IGF1: variants seen among roughly 807,000 people sequenced by gnomAD.
IGF1 encodes the protein insulin-like growth factor 1.
A neutral mutation model predicts 13.8 loss-of-function variants in IGF1; 4 were observed. That is an observed-to-expected ratio of 0.29 (90% CI 0.14 to 0.66). The LOEUF (loss-of-function observed/expected upper bound fraction) is 0.66, where lower values mean the gene tolerates loss of function less well. Ranked by LOEUF, IGF1 falls within the 30% of genes least tolerant of loss-of-function variation. The probability of loss-of-function intolerance (pLI) is 0.78; values close to 1 mark genes in which losing one functional copy is unlikely to be tolerated. For missense variants in IGF1, 124 were observed against 188.5 expected, an observed-to-expected ratio of 0.66 and a Z score of 2.00; for synonymous variants, 76 against 72.6, an observed-to-expected ratio of 1.05 and a Z score of -0.23.
intron 2 of IGF1, among the ~76,000 whole-genome samples, chr12:102,425,495 C>A (rs1178272601): frequency 6.6e-6 from 1 of 152,160 alleles, no homozygotes; most frequent in Non-Finnish European, 1.5e-5. Flanking sequence ...ACCCAAAAGA[C>A]CAAAGTCTTC....
At chr12:102,466,401 C>T (rs1199859263) in intron 2 of IGF1, among the ~76,000 whole-genome samples, 2 of 152,140 alleles carry the variant, frequency 1.3e-5, no homozygotes, top group Non-Finnish European at 1.5e-5. Context: ...TGCAAACATT[C>T]TTGATGGTCG....
chr12:102,468,150 C>CT lies in IGF1; in HGVS notation c.220+7492dup, dbSNP rs201295118. ...ATTTCCTCCCCTCTTTTTGACCCCT[C>CT]TTTTTTTTGGCATGGAAATCTTTAT... is the stretch of plus-strand genomic sequence containing the variant. On this transcript the variant is annotated intron_variant, in intron 2 of 3. Coordinates refer to ENST00000337514, the MANE Select transcript of IGF1 (RefSeq NM_000618.5). 2.2e-4 allele frequency among the ~76,000 whole-genome samples: 34 copies of CT among 152,088 alleles called. 1 individual carries two copies. The highest frequency in any genetic ancestry group is 4.3e-4 in the African/African-American group (18 of 41,480).
At chr12:102,474,218 T>C (rs1880870640) in intron 2 of IGF1, among the ~76,000 whole-genome samples, 1 of 152,208 alleles carries the variant, frequency 6.6e-6, no homozygotes, top group Non-Finnish European at 1.5e-5. Flanking sequence ...AAGTCTGCTA[T>C]TGGAAAATCA....
intron 3 of IGF1, among the ~76,000 whole-genome samples, chr12:102,405,290 G>T: frequency 7.3e-6 from 1 of 137,542 alleles, no homozygotes; most frequent in Admixed American, 7.2e-5. Flanking sequence ...GTTTCACCAT[G>T]TTGGCCAGGC....
chr12:102,477,245 G>A (rs1202614535), intron 1 of IGF1, among the ~76,000 whole-genome samples: 1 of 148,122 alleles, frequency 6.8e-6, no homozygotes, highest in Non-Finnish European at 1.5e-5. Context: ...TCCATTTTTT[G>A]TAGTCAGACC....
At chr12:102,453,081 A>G (rs1447854764) in intron 2 of IGF1, among the ~76,000 whole-genome samples, 1 of 152,192 alleles carries the variant, frequency 6.6e-6, no homozygotes, top group East Asian at 1.9e-4. Flanking sequence ...CTTCTCAGAA[A>G]TCCTGGAACC....
rs964024885 is a variant in IGF1 at position 102,398,475 on chromosome 12, T to G, written c.*4032A>C. The G allele has an allele frequency of 1.3e-5, 2 of 152,246 alleles. No individual in the cohort carries two copies. The highest frequency in any genetic ancestry group is 4.8e-5 in the African/African-American group (2 of 41,474). 9.4% of individuals were successfully genotyped at this position (152,246 alleles called of 1,614,324 possible). On this transcript the variant is annotated 3_prime_UTR_variant, in exon 4 of 4. Transcript: ENST00000337514. ...CTTACTTATCTTTTAAATTCTTCTA[T>G]TTGCCTATAAGATCTTTTTTCCCGC...
chr12:102,478,235 C>T (rs972434005), intron 1 of IGF1, among the ~76,000 whole-genome samples: 1 of 145,782 alleles, frequency 6.9e-6, no homozygotes. Context: ...TTTATTTTGC[C>T]AAACACAAAA....
At chr12:102,481,048 AGC>A (rs1332348481), upstream of IGF1, among the ~76,000 whole-genome samples, 2 of 152,228 alleles carry the variant, frequency 1.3e-5, no homozygotes, top group Admixed American at 6.5e-5. Flanking sequence ...ATTGGAAGAC[AGC>A]ACTCGGGTGA....
chr12:102,478,749 C>A, intron 1 of IGF1: 1 of 933,988 alleles, frequency 1.1e-6, no homozygotes, highest in South Asian at 2.8e-5. Flanking sequence ...GTCAAGCCAC[C>A]TATTTCCATT....
intron 2 of IGF1, among the ~76,000 whole-genome samples, chr12:102,449,393 C>CG: frequency 1.1e-5 from 1 of 93,132 alleles, no homozygotes; most frequent in South Asian, 3.8e-4. Flanking sequence ...TGGGGCCAGT[C>CG]GGGGGGTGGG....
chr12:102,443,363 G>A (rs1592788033), intron 2 of IGF1, among the ~76,000 whole-genome samples: 1 of 152,072 alleles, frequency 6.6e-6, no homozygotes, highest in Non-Finnish European at 1.5e-5. Context: ...GCTAGAGCAT[G>A]GGTATAATGT....
chr12:102,445,577 C>G (rs1592791432), intron 2 of IGF1, among the ~76,000 whole-genome samples: 2 of 152,308 alleles, frequency 1.3e-5, no homozygotes, highest in South Asian at 2.1e-4. Context: ...GATTTTTCCA[C>G]ATTGATTTTG....
At position 102,399,504 on chromosome 12, in the gene IGF1, C is replaced by T. The variant is rs1297282107; in HGVS notation, c.*3003G>A. ...TCCTTTCTATGAAATCTGAGTCATT[C>T]TGCTGTAGTATATAGTAATCAACTG... On this transcript the variant is annotated 3_prime_UTR_variant, in exon 4 of 4. Coordinates refer to ENST00000337514, the MANE Select transcript of IGF1 (RefSeq NM_000618.5). 6.6e-6 allele frequency: 1 copy of T among 152,086 alleles called. No homozygotes were observed. Among genetic ancestry groups the T allele is most frequent in the East Asian group, 1.9e-4 (1 of 5,196 alleles). 9.4% of individuals were successfully genotyped at this position (152,086 alleles called of 1,614,324 possible). A position where few individuals can be genotyped will look rare whatever the true frequency, so the allele number is the denominator to read the frequency against.
chr12:102,425,063 G>A (rs185912962), intron 2 of IGF1, among the ~76,000 whole-genome samples: 129 of 152,238 alleles, frequency 8.5e-4, no homozygotes, highest in Middle Eastern at 6.8e-3. Flanking sequence ...ACACATATTA[G>A]GGAATTAAGT....
chr12:102,430,985 C>G (rs1876689724), intron 2 of IGF1, among the ~76,000 whole-genome samples: 2 of 152,194 alleles, frequency 1.3e-5, no homozygotes, highest in African/African-American at 2.4e-5. Flanking sequence ...CTGTTGATGT[C>G]TTAATACTCT....
chr12:102,475,898 G>A, intron 1 of IGF1, 99 bp from the exon 2 acceptor site: 6 of 1,262,152 alleles, frequency 4.8e-6, no homozygotes, highest in Non-Finnish European at 6.8e-6. Flanking sequence ...TTCCACGACT[G>A]TCATTAATCA....
chr12:102,448,790 GA>G (rs1039287849), intron 2 of IGF1, among the ~76,000 whole-genome samples: 3 of 149,520 alleles, frequency 2.0e-5, no homozygotes, highest in Middle Eastern at 3.5e-3. Flanking sequence ...CATCGGACAT[GA>G]AAAAAAAGCT....
At chr12:102,464,261 G>A (rs1366327770) in intron 2 of IGF1, among the ~76,000 whole-genome samples, 6 of 151,810 alleles carry the variant, frequency 4.0e-5, no homozygotes, top group Non-Finnish European at 8.8e-5. Context: ...TTTCAGTGGA[G>A]CAGTGGTGAA....
Sources: allele counts gnomAD v4.1 joint callset (sites outside exome capture counted in the v4.1 genomes callset), GRCh38; gene constraint gnomAD v4.1.1; transcripts MANE v1.5; gene names NCBI Gene and HGNC (gene_info 2026-07-23, HGNC 2026-07-21).